The following KIAA1217 variants were observed in gnomAD, a reference collection of about 807,000 sequenced individuals.
KIAA1217 encodes KIAA1217.
A neutral mutation model predicts 163.9 loss-of-function variants in KIAA1217; 88 were observed. That is an observed-to-expected ratio of 0.54 (90% CI 0.45 to 0.64). KIAA1217 has a LOEUF of 0.64. Among genes scored for constraint, KIAA1217 ranks in the 30% least tolerant of loss-of-function variants. The pLI is 0.00. For synonymous variants in KIAA1217, 903 were observed against 923.1 expected, an observed-to-expected ratio of 0.98 and a Z score of 0.39; for missense variants, 2,372 against 2,475.0, an observed-to-expected ratio of 0.96 and a Z score of 0.88.
At chr10:23,752,065 G>A (rs373266117) in intron 1 of KIAA1217, among the ~76,000 whole-genome samples, 35 of 152,262 alleles carry the variant, frequency 2.3e-4, no homozygotes, top group African/African-American at 4.3e-4. Context: ...AGATGGAGTC[G>A]TTTCTGGGTG....
chr10:23,845,891 C>A (rs945471473), intron 1 of KIAA1217, among the ~76,000 whole-genome samples: 6 of 152,060 alleles, frequency 3.9e-5, no homozygotes, highest in Non-Finnish European at 8.8e-5. Flanking sequence ...CTTAATCCAC[C>A]TTGAGTTATT....
intron 5 of KIAA1217, among the ~76,000 whole-genome samples, chr10:24,465,676 C>G (rs917089854): frequency 6.6e-6 from 1 of 152,204 alleles, no homozygotes; most frequent in Non-Finnish European, 1.5e-5. Context: ...CTTTCTCCCC[C>G]ACCTTTTGCT....
intron 1 of KIAA1217, among the ~76,000 whole-genome samples, chr10:23,764,996 G>C (rs1271161064): frequency 6.6e-6 from 1 of 151,872 alleles, no homozygotes; most frequent in Non-Finnish European, 1.5e-5. Context: ...ATAAATAAAA[G>C]AGTTTTATTT....
At chr10:24,458,662 T>C (rs2062046367) in intron 5 of KIAA1217, among the ~76,000 whole-genome samples, 1 of 152,154 alleles carries the variant, frequency 6.6e-6, no homozygotes, top group African/African-American at 2.4e-5. Context: ...ATCTGTGAAA[T>C]GGGAATTATA....
At chr10:23,952,698 T>C (rs1291788882) in intron 1 of KIAA1217, among the ~76,000 whole-genome samples, 1 of 152,194 alleles carries the variant, frequency 6.6e-6, no homozygotes, top group African/African-American at 2.4e-5. Context: ...TAACAGTGGA[T>C]TTGCCTATTT....
chr10:23,858,658 C>G (rs1001045798), intron 1 of KIAA1217, among the ~76,000 whole-genome samples: 1 of 152,084 alleles, frequency 6.6e-6, no homozygotes, highest in Non-Finnish European at 1.5e-5. Context: ...TAATCGGGCT[C>G]CCCATCAGTC....
chr10:24,317,571 T>C, intron 2 of KIAA1217, among the ~76,000 whole-genome samples: 1 of 152,188 alleles, frequency 6.6e-6, no homozygotes, highest in East Asian at 1.9e-4. Context: ...GTGGAAGATC[T>C]AAGAAATGTA....
chr10:24,447,834 G>C (rs1455161428), intron 5 of KIAA1217, among the ~76,000 whole-genome samples: 1 of 152,150 alleles, frequency 6.6e-6, no homozygotes, highest in Non-Finnish European at 1.5e-5. Context: ...TAATTTGATA[G>C]AAGTTAATTA....
At chr10:24,261,958 A>G (rs962785399) in intron 2 of KIAA1217, among the ~76,000 whole-genome samples, 6 of 152,226 alleles carry the variant, frequency 3.9e-5, no homozygotes, top group African/African-American at 1.4e-4. Flanking sequence ...TTTCACAGAA[A>G]ACCCTTCTCA....
chr10:24,146,589 G>T (rs1193958038), intron 2 of KIAA1217, among the ~76,000 whole-genome samples: 1 of 152,138 alleles, frequency 6.6e-6, no homozygotes, highest in Non-Finnish European at 1.5e-5. Context: ...AGATGGAGGT[G>T]GGAGGATCAC....
At chr10:23,943,937 G>A (rs1254294004) in intron 1 of KIAA1217, among the ~76,000 whole-genome samples, 1 of 152,082 alleles carries the variant, frequency 6.6e-6, no homozygotes, top group African/African-American at 2.4e-5. Context: ...AATTAATATT[G>A]GGTGGACCCA....
chr10:23,704,132 G>C (rs920934786), intron 1 of KIAA1217, among the ~76,000 whole-genome samples: 1 of 108,806 alleles, frequency 9.2e-6, no homozygotes, highest in African/African-American at 4.2e-5. Flanking sequence ...ATATATGCAT[G>C]TATGTGTGTG....
chr10:24,154,239 G>A (rs1432434394), intron 2 of KIAA1217, among the ~76,000 whole-genome samples: 3 of 151,932 alleles, frequency 2.0e-5, no homozygotes, highest in Admixed American at 2.0e-4. Context: ...TTACAGGCGT[G>A]AGCCACCCCG....
chr10:23,954,411 C>G (rs1844467558), intron 1 of KIAA1217, among the ~76,000 whole-genome samples: 1 of 151,996 alleles, frequency 6.6e-6, no homozygotes, highest in African/African-American at 2.4e-5. Context: ...CAGAAAAATA[C>G]AAAAATTACC....
chr10:23,800,804 T>C (rs937988516), intron 1 of KIAA1217, among the ~76,000 whole-genome samples: 6 of 152,190 alleles, frequency 3.9e-5, no homozygotes, highest in African/African-American at 1.4e-4. Context: ...AGAATGGTGA[T>C]CACTAAAACG....
At chr10:24,237,508 A>G (rs2072455731) in intron 2 of KIAA1217, among the ~76,000 whole-genome samples, 2 of 152,208 alleles carry the variant, frequency 1.3e-5, no homozygotes, top group African/African-American at 2.4e-5. Context: ...GCAAAAGCTG[A>G]GATACTGTAA....
intron 1 of KIAA1217, among the ~76,000 whole-genome samples, chr10:24,217,058 A>AAC (rs2068930014): frequency 6.9e-6 from 1 of 145,608 alleles, no homozygotes; most frequent in Non-Finnish European, 1.5e-5. Context: ...AAAAAAAAAA[A>AAC]GGCAAGAGTG....
chr10:24,164,595 G>C (rs2065260250), intron 2 of KIAA1217, among the ~76,000 whole-genome samples: 2 of 152,176 alleles, frequency 1.3e-5, no homozygotes, highest in Non-Finnish European at 2.9e-5. Flanking sequence ...AAAGCTTGTA[G>C]TTTGATGGAT....
At chr10:23,899,884 G>A (rs1841881792) in intron 1 of KIAA1217, among the ~76,000 whole-genome samples, 1 of 151,932 alleles carries the variant, frequency 6.6e-6, no homozygotes, top group Non-Finnish European at 1.5e-5. Flanking sequence ...ATTTAGTCCA[G>A]TCTTCTTTGT....
Sources: allele counts gnomAD v4.1 joint callset (sites outside exome capture counted in the v4.1 genomes callset), GRCh38; gene constraint gnomAD v4.1.1; transcripts MANE v1.5; gene names NCBI Gene and HGNC (gene_info 2026-07-23, HGNC 2026-07-21).